Variants in TSHR observed in about 807,000 individuals in gnomAD.
TSHR encodes the protein thyrotropin receptor.
TSHR carries 51 observed loss-of-function variants against 64.1 expected under a neutral mutation model. The ratio of observed to expected loss-of-function variants is 0.80; its 90% CI spans 0.64 to 1.01. TSHR has a LOEUF of 1.01. TSHR is among the 50% of genes least tolerant of loss of function. The pLI, the probability that TSHR is intolerant of heterozygous loss-of-function variation, is 0.00. For synonymous variants in TSHR, 361 were observed against 361.9 expected (o/e 1.00, Z 0.03); for missense variants, 877 against 942.8 (o/e 0.93, Z 0.91).
intron 1 of TSHR, among the ~76,000 whole-genome samples, chr14:81,042,639 T>C (rs1175904674): frequency 6.6e-6 from 1 of 151,750 alleles, no homozygotes; most frequent in Non-Finnish European, 1.5e-5. Context: ...CAGAAGAGTG[T>C]AGGGGTAAGA....
At chr14:81,130,256 C>G (rs1891181534) in intron 8 of TSHR, among the ~76,000 whole-genome samples, 1 of 152,196 alleles carries the variant, frequency 6.6e-6, no homozygotes, top group Non-Finnish European at 1.5e-5. Flanking sequence ...CAGCAACTAT[C>G]CCAATTTCTG....
At chr14:81,105,339 G>C in intron 7 of TSHR, 15 of 672,728 alleles carry the variant, frequency 2.2e-5, no homozygotes, top group Non-Finnish European at 2.6e-5. Context: ...CTTGACTTCA[G>C]ATGGAAGGCA....
intron 1 of TSHR, chr14:80,982,406 C>G (rs964201483): frequency 9.0e-5 from 112 of 1,243,248 alleles, no homozygotes; most frequent in Non-Finnish European, 1.1e-4. Context: ...AATGATAAAC[C>G]TGAAATTGGT....
At chr14:81,038,783 T>G (rs1384499619) in intron 1 of TSHR, among the ~76,000 whole-genome samples, 6 of 146,100 alleles carry the variant, frequency 4.1e-5, no homozygotes, top group Non-Finnish European at 6.0e-5. Context: ...ATAGAAAAAA[T>G]AAAAAAAAGA....
At chr14:81,013,605 A>G (rs970538945) in intron 1 of TSHR, 1 of 152,144 alleles carries the variant, frequency 6.6e-6, no homozygotes, top group Non-Finnish European at 1.5e-5. Flanking sequence ...TTTATTGTCC[A>G]CCATACTCTG....
intron 1 of TSHR, among the ~76,000 whole-genome samples, chr14:80,981,643 T>A (rs1212172095): frequency 6.6e-6 from 1 of 152,156 alleles, no homozygotes; most frequent in Non-Finnish European, 1.5e-5. Context: ...AGCTGTTCAC[T>A]AGGGAGTTAA....
intron 2 of TSHR, 122 bp downstream of exon 2, chr14:81,062,341 G>A (rs1449524392): frequency 9.1e-6 from 6 of 657,576 alleles, no homozygotes; most frequent in Non-Finnish European, 1.3e-5. Flanking sequence ...TATTGTCAAT[G>A]TATATGACAA....
intron 7 of TSHR, among the ~76,000 whole-genome samples, chr14:81,102,170 T>G (rs143765029): frequency 0.012 from 1,722 of 140,056 alleles, 38 homozygotes; most frequent in African/African-American, 0.046. Context: ...AGACTCCATC[T>G]CAGGGAAAAA....
intron 1 of TSHR, among the ~76,000 whole-genome samples, chr14:81,025,217 T>A (rs1396861227): frequency 1.3e-5 from 2 of 152,222 alleles, no homozygotes; most frequent in Non-Finnish European, 2.9e-5. Flanking sequence ...TAGATTTGTA[T>A]GTATTTTATC....
Position 81,096,624 on chromosome 14 carries a change from C to T in TSHR, c.546-15C>T, listed in dbSNP as rs1889211131. ...CTCACCAGTCACTGATTTCTCTTCT[C>T]TCTGTTGGTTGTAGGAAGCTGTACA... On this transcript the variant is annotated splice_polypyrimidine_tract_variant and intron_variant, in intron 6 of 9. Transcript: ENST00000298171. The T allele has an allele frequency of 6.2e-7, 1 of 1,612,844 alleles. No individual in the cohort carries two copies. Among genetic ancestry groups the T allele is most frequent in the Admixed American group, 1.7e-5 (1 of 59,968 alleles).
At position 80,955,734 on chromosome 14, in the gene TSHR, C is replaced by G. The variant is rs2139669436; in HGVS notation, c.54C>G (p.Asp18Glu). The G allele has an allele frequency of 6.2e-7, 1 of 1,614,134 alleles. No individual in the cohort carries two copies. The highest frequency in any genetic ancestry group is 2.2e-5 in the East Asian group (1 of 44,870). Residue 18 changes from aspartate (D) to glutamate (E), a missense_variant, in exon 1 of 10, where the codon GAC becomes GAG. Physicochemically the swap from Asp to Glu is conservative, Grantham distance 45. Transcript: ENST00000298171. ...QLVLLLDLPR[D>E]LGGMGCSSPP... Reference sequence around the variant, plus strand: ...TGCTGCTGCTCGACCTGCCCAGGGACCTGGGCGGAATGGGGTGTTCGTCTC... The same window carrying G: ...TGCTGCTGCTCGACCTGCCCAGGGAGCTGGGCGGAATGGGGTGTTCGTCTC...
chr14:80,967,283 A>AT (rs35619720), intron 1 of TSHR, among the ~76,000 whole-genome samples: 11,635 of 111,874 alleles, frequency 0.1, 824 homozygotes, highest in South Asian at 0.21. Flanking sequence ...CCTGACTTAC[A>AT]TTTTTTTTTT....
intron 3 of TSHR, chr14:81,087,752 A>G: frequency 3.2e-6 from 2 of 630,636 alleles, no homozygotes; most frequent in Non-Finnish European, 5.7e-6. Flanking sequence ...AAAAGAGCTG[A>G]GCAGCCATTG....
intron 1 of TSHR, among the ~76,000 whole-genome samples, chr14:80,971,465 A>G (rs1360944345): frequency 6.6e-6 from 1 of 152,204 alleles, no homozygotes; most frequent in Non-Finnish European, 1.5e-5. Flanking sequence ...CATTCACCAG[A>G]TTGATAATCA....
intron 1 of TSHR, among the ~76,000 whole-genome samples, chr14:81,005,476 A>G (rs1382639487): frequency 4.6e-5 from 7 of 152,136 alleles, no homozygotes; most frequent in Admixed American, 3.9e-4. Context: ...TACCTTGGAT[A>G]CTGTATTTTG....
At chr14:81,002,781 C>CTTTTTTTTTTTTTTTTTTTTTTTTT (rs1174635270) in intron 1 of TSHR, among the ~76,000 whole-genome samples, 9 of 44,324 alleles carry the variant, frequency 2.0e-4, no homozygotes, top group African/African-American at 2.9e-4. Context: ...CCTAATGCCT[C>CTTTTTTTTTTTTTTTTTTTTTTTTT]TTTTTTTTTT....
intron 1 of TSHR, among the ~76,000 whole-genome samples, chr14:81,044,559 G>A (rs1885076477): frequency 6.6e-6 from 1 of 151,906 alleles, no homozygotes; most frequent in Non-Finnish European, 1.5e-5. Context: ...TTGGGAGGCT[G>A]AGGCAGGAGA....
rs771263595 is a variant in TSHR at position 81,091,050 on chromosome 14, CT to C, written c.393-12del. On this transcript the variant is annotated intron_variant, in intron 4 of 9. Transcript: ENST00000298171. ...ACCTAAATTCTATGCTTTTTTTTCT[CT>C]TTTTTTCATTAATTTAGTGGCATTT... is the stretch of plus-strand genomic sequence containing the variant. 1.2e-6 allele frequency: 2 copies of C among 1,601,958 alleles called. No individual in the cohort carries two copies. Among genetic ancestry groups the C allele is most frequent in the Non-Finnish European group, 1.7e-6 (2 of 1,173,622 alleles).
chr14:81,107,279 AT>A (rs1478528995), intron 7 of TSHR: 3 of 152,182 alleles, frequency 2.0e-5, no homozygotes, highest in Non-Finnish European at 4.4e-5. Context: ...AAGTAGAATA[AT>A]GGAAGCATTA....
Sources: allele counts gnomAD v4.1 joint callset (sites outside exome capture counted in the v4.1 genomes callset), GRCh38; gene constraint gnomAD v4.1.1; transcripts MANE v1.5; gene names NCBI Gene and HGNC (gene_info 2026-07-23, HGNC 2026-07-21).